The following PTPRN2 variants were observed in gnomAD, a reference collection of about 807,000 sequenced individuals.
PTPRN2 encodes the protein protein tyrosine phosphatase receptor type N2.
Under a neutral mutation model 118.8 loss-of-function variants are expected in PTPRN2, and 74 were observed. The ratio of observed to expected loss-of-function variants is 0.62; its 90% CI spans 0.52 to 0.76. PTPRN2 has a LOEUF of 0.76. Among genes scored for constraint, PTPRN2 ranks in the 30% least tolerant of loss-of-function variants. The pLI is 0.00. For missense variants in PTPRN2, 1,481 were observed against 1,394.4 expected (o/e 1.06, Z -0.99); for synonymous variants, 641 against 608.0 (o/e 1.05, Z -0.80).
At chr7:158,406,838 A>G (rs1813485031) in intron 2 of PTPRN2, among the ~76,000 whole-genome samples, 1 of 152,180 alleles carries the variant, frequency 6.6e-6, no homozygotes, top group South Asian at 2.1e-4. Flanking sequence ...GCTGTTATAA[A>G]CAGACCCTGG....
chr7:157,631,712 G>A (rs949198442), intron 14 of PTPRN2, among the ~76,000 whole-genome samples: 17 of 152,076 alleles, frequency 1.1e-4, no homozygotes, highest in African/African-American at 4.1e-4. Flanking sequence ...GGCACCTGTA[G>A]TCCCAGCTAC....
At chr7:158,488,602 C>T (rs2129445323) in intron 2 of PTPRN2, among the ~76,000 whole-genome samples, 1 of 152,362 alleles carries the variant, frequency 6.6e-6, no homozygotes, top group South Asian at 2.1e-4. Context: ...CTGGATGCAC[C>T]AGTGCAGGGG....
At chr7:158,343,815 T>C (rs1269022568) in intron 2 of PTPRN2, among the ~76,000 whole-genome samples, 1 of 152,174 alleles carries the variant, frequency 6.6e-6, no homozygotes, top group Non-Finnish European at 1.5e-5. Context: ...CAGGCAGCCA[T>C]GCTCGTGGCA....
rs60177249 is a variant in PTPRN2 at position 158,247,385 on chromosome 7, G to T, written c.278-42112C>A. On this transcript the variant is annotated intron_variant, in intron 3 of 22. Transcript: ENST00000389418. The stretch of plus-strand genomic sequence containing the variant: ...AGGGCGCTCTTGACCGTGTCTGCGT[G>T]TCTAAGCAAAGGATACAGGGGCGCA... Among the ~76,000 whole-genome samples, 1,307 of 151,704 alleles carry T rather than the reference G, an allele frequency of 8.6e-3. 26 individuals carry two copies. The highest frequency in any genetic ancestry group is 0.03 in the African/African-American group (1,250 of 41,380).
chr7:158,312,724 C>T (rs1015424921), intron 3 of PTPRN2, among the ~76,000 whole-genome samples: 3 of 22,912 alleles, frequency 1.3e-4, no homozygotes, highest in Non-Finnish European at 5.8e-4. Flanking sequence ...CATATAGATA[C>T]CCACACACAC....
Position 158,167,279 on chromosome 7 carries a change from A to G in PTPRN2, c.562T>C (p.Phe188Leu). Residue 188 changes from phenylalanine to leucine, a missense_variant, in exon 6 of 23, where the codon TTC becomes CTC. By Grantham distance (22) the Phe-to-Leu change is conservative (BLOSUM62 0). This residue lies in a region of PTPRN2 where 1,115 missense variants were observed against 994.2 expected (regional missense o/e 1.12). Transcript: ENST00000389418. The part of the protein sequence containing the change: ...DRPPAEGDDR[F>L]SESILTYVAH... ...ACATAGGTCAGGATGCTCTCGGAGA[A>G]GCGGTCATCACCCTGAAGGAAAGGA... 1 of 1,600,480 alleles carries G rather than the reference A, an allele frequency of 6.2e-7. No homozygotes were observed. Among genetic ancestry groups the G allele is most frequent in the Non-Finnish European group, 8.5e-7 (1 of 1,172,898 alleles).
chr7:158,385,131 G>A (rs569279436), intron 2 of PTPRN2, among the ~76,000 whole-genome samples: 23 of 152,242 alleles, frequency 1.5e-4, no homozygotes, highest in African/African-American at 5.1e-4. Flanking sequence ...TAATAAATAC[G>A]AAACCATTTG....
intron 3 of PTPRN2, among the ~76,000 whole-genome samples, chr7:158,315,630 G>A (rs1285164656): frequency 6.6e-6 from 1 of 152,252 alleles, no homozygotes; most frequent in Non-Finnish European, 1.5e-5. Flanking sequence ...GATTCCGCCT[G>A]GAAGGAGAAA....
chr7:157,616,372 A>G (rs1802774512), intron 15 of PTPRN2: 1 of 152,220 alleles, frequency 6.6e-6, no homozygotes, highest in Admixed American at 6.5e-5. Flanking sequence ...TAGTTCAGAG[A>G]TGATGCTTTT....
At chr7:158,160,342 G>A (rs1269669934) in intron 6 of PTPRN2, among the ~76,000 whole-genome samples, 1 of 152,152 alleles carries the variant, frequency 6.6e-6, no homozygotes, top group Non-Finnish European at 1.5e-5. Flanking sequence ...CAAACACAGA[G>A]GGTGAATTAG....
At chr7:157,697,628 C>A in intron 12 of PTPRN2, among the ~76,000 whole-genome samples, 1 of 121,652 alleles carries the variant, frequency 8.2e-6, no homozygotes. Context: ...GTAGAGCCCT[C>A]ACCGTCTACC....
chr7:157,765,190 A>C (rs1317662650), intron 12 of PTPRN2, among the ~76,000 whole-genome samples: 1 of 144,790 alleles, frequency 6.9e-6, no homozygotes, highest in Non-Finnish European at 1.5e-5. Flanking sequence ...TCCATCCATC[A>C]TTCCTCCATG....
intron 12 of PTPRN2, among the ~76,000 whole-genome samples, chr7:157,771,727 A>G (rs894352967): frequency 6.6e-6 from 1 of 152,028 alleles, no homozygotes; most frequent in East Asian, 1.9e-4. Flanking sequence ...ACACACACAG[A>G]CGCACAAACA....
rs1799103590 is a variant in PTPRN2, at chr7:157,560,103, T to C, written c.2902+8799A>G. On this transcript the variant is annotated intron_variant, in intron 21 of 22. Transcript: ENST00000389418. The surrounding 1 kb of genome is among the most constrained non-coding windows in gnomAD (Gnocchi z 6.7). Reference sequence around the variant, plus strand: ...TGCGGCATCCAATGGGCCTGAGGTGTCTGCGTGACCATGAGGAGAAGCGGA... The same window carrying C: ...TGCGGCATCCAATGGGCCTGAGGTGCCTGCGTGACCATGAGGAGAAGCGGA... Among the ~76,000 whole-genome samples the C allele has an allele frequency of 6.6e-6, 1 of 152,098 alleles. No individual in the cohort carries two copies. The highest frequency in any genetic ancestry group is 1.5e-5 in the Non-Finnish European group (1 of 68,022).
chr7:157,755,939 G>A (rs187703294), intron 12 of PTPRN2, among the ~76,000 whole-genome samples: 5 of 152,312 alleles, frequency 3.3e-5, no homozygotes, highest in South Asian at 2.1e-4. Flanking sequence ...CCCTTCCCAC[G>A]GCAGCGTCCA....
At chr7:158,506,158 A>G (rs1822731054) in intron 1 of PTPRN2, among the ~76,000 whole-genome samples, 1 of 152,188 alleles carries the variant, frequency 6.6e-6, no homozygotes, top group Non-Finnish European at 1.5e-5. Context: ...AGCACAGAGA[A>G]AGCAGAGGCT....
At chr7:158,117,124 G>T (rs1816790787) in intron 9 of PTPRN2, among the ~76,000 whole-genome samples, 1 of 152,018 alleles carries the variant, frequency 6.6e-6, no homozygotes, top group South Asian at 2.1e-4. Flanking sequence ...ACTAGGCAAA[G>T]ACTTTAAAAC....
At chr7:158,173,500 A>T (rs1197785176) in intron 5 of PTPRN2, among the ~76,000 whole-genome samples, 1 of 152,184 alleles carries the variant, frequency 6.6e-6, no homozygotes, top group Admixed American at 6.5e-5. Flanking sequence ...GCAATAAAAG[A>T]TCACAAGGCA....
chr7:157,695,401 C>A (rs1797715483), intron 12 of PTPRN2, among the ~76,000 whole-genome samples: 1 of 151,932 alleles, frequency 6.6e-6, no homozygotes, highest in African/African-American at 2.4e-5. Context: ...TTTTACAGTA[C>A]ACAAATAGTA....
Sources: gnomAD v4.1 joint callset for allele counts (sites outside exome capture counted in the v4.1 genomes callset) on GRCh38, gnomAD v4.1.1 for gene constraint, gnomAD v4.1.1 regional missense constraint, Gnocchi (gnomAD v3.1) non-coding constraint, MANE v1.5 for transcripts, NCBI Gene and HGNC (gene_info 2026-07-23, HGNC 2026-07-21) for gene names.